Variants in AUTS2 observed in about 807,000 individuals in gnomAD.
The protein encoded by AUTS2 is activator of transcription and developmental regulator AUTS2, also known as autism susceptibility gene 2 protein.
A neutral mutation model predicts 112.4 loss-of-function variants in AUTS2; 17 were observed. The observed-to-expected ratio is 0.15, with a 90% CI of 0.10 to 0.23. The LOEUF is 0.23. AUTS2 is among the 10% of genes least tolerant of loss of function. AUTS2 has a pLI of 1.00. For synonymous variants in AUTS2, 751 were observed against 702.7 expected, an observed-to-expected ratio of 1.07 and a Z score of -1.09; for missense variants, 1,510 against 1,701.6, an observed-to-expected ratio of 0.89 and a Z score of 1.98.
At chr7:70,134,837 A>G (rs1254327152) in intron 4 of AUTS2, among the ~76,000 whole-genome samples, 2 of 152,148 alleles carry the variant, frequency 1.3e-5, no homozygotes, top group Non-Finnish European at 2.9e-5. Flanking sequence ...GTAAGGAGAT[A>G]CAGGGAACCC....
intron 1 of AUTS2, among the ~76,000 whole-genome samples, chr7:69,759,021 T>C (rs138429808): frequency 6.6e-6 from 1 of 152,314 alleles, no homozygotes; most frequent in Admixed American, 6.5e-5. Flanking sequence ...GGAACACTTA[T>C]TGAGTAAGCA....
intron 2 of AUTS2, among the ~76,000 whole-genome samples, chr7:69,914,720 G>C (rs2129542193): frequency 6.6e-6 from 1 of 151,858 alleles, no homozygotes; most frequent in South Asian, 2.1e-4. Context: ...GTTGGTGGGA[G>C]TGAGGTGAAA....
intron 1 of AUTS2, among the ~76,000 whole-genome samples, chr7:69,713,446 T>C (rs915312350): frequency 1.3e-5 from 2 of 151,608 alleles, no homozygotes; most frequent in Non-Finnish European, 2.9e-5. Context: ...GTAACTACTA[T>C]TCTGCTTTCA....
intron 5 of AUTS2, among the ~76,000 whole-genome samples, chr7:70,578,194 A>G (rs1007878083): frequency 1.3e-5 from 2 of 152,200 alleles, no homozygotes; most frequent in African/African-American, 2.4e-5. Flanking sequence ...TTTGCAGAAG[A>G]TATCCTAGAA....
At chr7:70,387,225 G>A (rs1388696213) in intron 4 of AUTS2, among the ~76,000 whole-genome samples, 1 of 152,020 alleles carries the variant, frequency 6.6e-6, no homozygotes, top group Non-Finnish European at 1.5e-5. Context: ...TTCACTTCTT[G>A]CAGCCATGAC....
rs1316624090 is a variant in AUTS2, at chr7:70,754,109, C to T, written c.743-8761C>T. On this transcript the variant is annotated intron_variant, in intron 6 of 18. Coordinates refer to ENST00000342771, the MANE Select transcript of AUTS2 (RefSeq NM_015570.4). ...CCAGGAAGCGGAGCTTACAGTGAGC[C>T]GAGATCGCGCCGCTGCACTCCAGCC... Among the ~76,000 whole-genome samples, 7 of 152,014 alleles carry T rather than the reference C, an allele frequency of 4.6e-5. No individual in the cohort carries two copies. In the South Asian group the frequency reaches 1.0e-3, roughly 23 times the overall value.
At chr7:70,144,916 T>C (rs1261337956) in intron 4 of AUTS2, among the ~76,000 whole-genome samples, 1 of 152,140 alleles carries the variant, frequency 6.6e-6, no homozygotes, top group Non-Finnish European at 1.5e-5. Flanking sequence ...CGAGCCTTTA[T>C]TGAAAAATCT....
intron 2 of AUTS2, among the ~76,000 whole-genome samples, chr7:70,102,011 C>G: frequency 6.6e-6 from 1 of 151,684 alleles, no homozygotes; most frequent in Admixed American, 6.6e-5. Flanking sequence ...AATAGCTTTA[C>G]GTATTCGTTC....
At chr7:69,608,837 G>A (rs1792872095) in intron 1 of AUTS2, among the ~76,000 whole-genome samples, 3 of 152,168 alleles carry the variant, frequency 2.0e-5, no homozygotes, top group Admixed American at 2.0e-4. Flanking sequence ...TGATTAGTGT[G>A]TCTTACTGCA....
At position 69,598,697 on chromosome 7, in the gene AUTS2, A is replaced by T. The variant is rs1262137719; in HGVS notation, c.-957A>T. ...CTGGAGATTTCTTTCTGCTTTCCTCATCGACTGACTGACTCACCCCCTCCC... is the reference window on the plus strand; with the variant it reads ...CTGGAGATTTCTTTCTGCTTTCCTCTTCGACTGACTGACTCACCCCCTCCC... On this transcript the variant is annotated 5_prime_UTR_variant, in exon 1 of 19. Coordinates refer to ENST00000342771, the MANE Select transcript of AUTS2 (RefSeq NM_015570.4). 3 of 155,024 alleles carry T rather than the reference A, an allele frequency of 1.9e-5. No homozygotes were observed. The highest frequency in any genetic ancestry group is 4.8e-5 in the African/African-American group (2 of 41,274). 9.6% of individuals were successfully genotyped at this position (155,024 alleles called of 1,614,324 possible). A position where few individuals can be genotyped will look rare whatever the true frequency, so the allele number is the denominator to read the frequency against.
At chr7:70,501,470 A>G (rs564111603) in intron 5 of AUTS2, among the ~76,000 whole-genome samples, 71 of 152,284 alleles carry the variant, frequency 4.7e-4, no homozygotes, top group African/African-American at 1.7e-3. Flanking sequence ...GGGAAGTTCT[A>G]CCCGTAAAAG....
In AUTS2 at chr7:70,766,276, C is replaced by T; in HGVS notation, c.1631C>T (p.Thr544Met). Reference protein sequence around the residue: ...THQHTHQHTFTPFPHAIPPTA... With the variant: ...THQHTHQHTFMPFPHAIPPTA... ...CAGCACACGCACCAGCACACCTTCA[C>T]GCCGTTCCCCCACGCCATCCCACCC... The change falls in exon 9 of 19, where the codon ACG becomes ATG. Residue 544 changes from threonine (T) to methionine (M), a missense_variant. Physicochemically the swap from Thr to Met is moderately conservative, Grantham distance 81. This residue lies in a region of AUTS2 where 187 missense variants were observed against 309.7 expected (regional missense o/e 0.60). Transcript: ENST00000342771. The surrounding 1 kb of genome is among the most constrained non-coding windows in gnomAD (Gnocchi z 4.8). The T allele has an allele frequency of 1.2e-6, 2 of 1,614,130 alleles. No homozygotes were observed. The highest frequency in any genetic ancestry group is 1.7e-6 in the Non-Finnish European group (2 of 1,179,998).
At chr7:69,825,217 G>C (rs1402152187) in intron 1 of AUTS2, among the ~76,000 whole-genome samples, 2 of 152,146 alleles carry the variant, frequency 1.3e-5, no homozygotes, top group Non-Finnish European at 2.9e-5. Context: ...CTGTCAGTAT[G>C]AGAGAAAGCT....
chr7:70,336,509 TG>T (rs1207611891), intron 4 of AUTS2, among the ~76,000 whole-genome samples: 2 of 152,264 alleles, frequency 1.3e-5, no homozygotes, highest in Non-Finnish European at 2.9e-5. Flanking sequence ...AGCTGATGCC[TG>T]TATACCTTGA....
chr7:70,450,052 A>T (rs569826130), intron 5 of AUTS2, among the ~76,000 whole-genome samples: 1 of 152,320 alleles, frequency 6.6e-6, no homozygotes, highest in Admixed American at 6.5e-5. Context: ...GCCATGCAGT[A>T]CTACTTAAAC....
At chr7:70,298,924 C>T (rs1367391226) in intron 4 of AUTS2, among the ~76,000 whole-genome samples, 1 of 152,220 alleles carries the variant, frequency 6.6e-6, no homozygotes, top group East Asian at 1.9e-4. Context: ...TTCACCCTCC[C>T]ATTTAATGCC....
Position 69,614,368 on chromosome 7 carries a change from T to TTTCTTTC in AUTS2, c.309+14408_309+14409insCTTTCTT. Among the ~76,000 whole-genome samples the TTTCTTTC allele has an allele frequency of 3.1e-4, 6 of 19,532 alleles. 1 individual carries two copies. The highest frequency in any genetic ancestry group is 7.6e-4 in the African/African-American group (4 of 5,256). 12.8% of individuals were successfully genotyped at this position (19,532 alleles called of 152,430 possible). A position where few individuals can be genotyped will look rare whatever the true frequency, so the allele number is the denominator to read the frequency against. On this transcript the variant is annotated intron_variant, in intron 1 of 18. Coordinates refer to ENST00000342771, the MANE Select transcript of AUTS2 (RefSeq NM_015570.4). ...TCTTTCTTTCTTTCTTTCTTTCTTTTTTTAAGAGATGGGATCTCACTCTGT... is the reference window on the plus strand; with the variant it reads ...TCTTTCTTTCTTTCTTTCTTTCTTTTTTCTTTCTTTAAGAGATGGGATCTCACTCTGT...
chr7:70,505,632 G>A (rs575792628), intron 5 of AUTS2, among the ~76,000 whole-genome samples: 3 of 152,262 alleles, frequency 2.0e-5, no homozygotes, highest in South Asian at 2.1e-4. Context: ...AGTTCCTGCC[G>A]ACACAGATTG....
At chr7:69,606,423 A>G (rs1000171055) in intron 1 of AUTS2, among the ~76,000 whole-genome samples, 4 of 152,144 alleles carry the variant, frequency 2.6e-5, no homozygotes, top group African/African-American at 9.7e-5. Context: ...GTGTTTGTGT[A>G]TGTGTGCACG....
Sources: allele counts gnomAD v4.1 joint callset (sites outside exome capture counted in the v4.1 genomes callset), GRCh38; gene constraint gnomAD v4.1.1; regional missense constraint gnomAD v4.1.1; non-coding constraint Gnocchi (gnomAD v3.1); transcripts MANE v1.5; gene names NCBI Gene and HGNC (gene_info 2026-07-23, HGNC 2026-07-21).